The following DPF3 variants were observed in gnomAD, a reference collection of about 807,000 sequenced individuals.
DPF3 encodes zinc finger protein DPF3.
In DPF3, 18 loss-of-function variants were observed where a neutral mutation model predicts 56.8. The observed-to-expected ratio is 0.32, with a 90% CI of 0.22 to 0.47. DPF3 has a LOEUF of 0.47. DPF3 is among the 20% of genes least tolerant of loss of function. The probability of loss-of-function intolerance (pLI) is 1.00; values close to 1 mark genes in which losing one functional copy is unlikely to be tolerated. For synonymous variants in DPF3, 188 were observed against 180.2 expected, an observed-to-expected ratio of 1.04 and a Z score of -0.35; for missense variants, 403 against 488.8, an observed-to-expected ratio of 0.82 and a Z score of 1.65.
rs1289190706 is a variant in DPF3 at position 72,619,987 on chromosome 14, G to A, written c.985-3C>T. 3 of 1,533,334 alleles carry A rather than the reference G, an allele frequency of 2.0e-6. No individual in the cohort carries two copies. The highest frequency in any genetic ancestry group is 2.6e-6 in the Non-Finnish European group (3 of 1,145,404). The allele number at this position is 1,533,334 out of a possible 1,614,324, so 95.0% of individuals were successfully genotyped here. A position where few individuals can be genotyped will look rare whatever the true frequency, so the allele number is the denominator to read the frequency against. Reference sequence around the variant, plus strand: ...TCATCGCAGAAGAGTAGCTGGTCCTGGTGGAACACAGAGTAAGCACAGAGG... The same window carrying A: ...TCATCGCAGAAGAGTAGCTGGTCCTAGTGGAACACAGAGTAAGCACAGAGG... On this transcript the variant is annotated splice_region_variant and splice_polypyrimidine_tract_variant and intron_variant, in intron 9 of 10. Transcript: ENST00000556509.
chr14:72,771,949 AG>A lies in DPF3; in HGVS notation c.33-57del. ...CCAGGGAAGACTGAAACACACCCAG[AG>A]GGAAACACACCCAGAGGGAAACACA... is the stretch of plus-strand genomic sequence containing the variant. On this transcript the variant is annotated intron_variant, in intron 1 of 10. Coordinates refer to ENST00000556509, the MANE Select transcript of DPF3 (RefSeq NM_001280542.3). The A allele has an allele frequency of 3.6e-6, 5 of 1,381,684 alleles. No individual in the cohort carries two copies. In the Admixed American group the frequency reaches 1.4e-4, roughly 39 times the overall value. 85.6% of individuals were successfully genotyped at this position (1,381,684 alleles called of 1,614,324 possible). A position where few individuals can be genotyped will look rare whatever the true frequency, so the allele number is the denominator to read the frequency against.
At chr14:72,744,958 T>C (rs1890266572) in intron 3 of DPF3, among the ~76,000 whole-genome samples, 2 of 151,830 alleles carry the variant, frequency 1.3e-5, no homozygotes, top group South Asian at 4.2e-4. Context: ...CATGTCAGGG[T>C]GTGCTGACGG....
intron 3 of DPF3, among the ~76,000 whole-genome samples, chr14:72,733,769 T>C (rs956452061): frequency 6.6e-6 from 1 of 152,004 alleles, no homozygotes; most frequent in Non-Finnish European, 1.5e-5. Flanking sequence ...CTGTCCTGAC[T>C]CCAACAGAAT....
chr14:72,669,556 A>T (rs1472067431), intron 8 of DPF3, among the ~76,000 whole-genome samples: 1 of 152,022 alleles, frequency 6.6e-6, no homozygotes, highest in Non-Finnish European at 1.5e-5. Context: ...CAACCTCCCT[A>T]TTCCTACCCA....
At chr14:72,799,748 T>C (rs1892788473) in intron 1 of DPF3, among the ~76,000 whole-genome samples, 1 of 152,100 alleles carries the variant, frequency 6.6e-6, no homozygotes, top group Admixed American at 6.6e-5. Context: ...GAGTCAATCC[T>C]GGAACTTCTG....
intron 1 of DPF3, among the ~76,000 whole-genome samples, chr14:72,856,471 C>A (rs993326223): frequency 6.6e-6 from 1 of 152,076 alleles, no homozygotes. Flanking sequence ...GGAAACAAGC[C>A]ATTTCTCAGC....
At chr14:72,793,287 A>C (rs758525822) in intron 1 of DPF3, among the ~76,000 whole-genome samples, 13 of 152,332 alleles carry the variant, frequency 8.5e-5, no homozygotes, top group Non-Finnish European at 1.5e-4. Flanking sequence ...TGGGTGGAGA[A>C]GACCACTCAA....
At chr14:72,654,879 T>C (rs1453570550) in intron 8 of DPF3, among the ~76,000 whole-genome samples, 1 of 152,194 alleles carries the variant, frequency 6.6e-6, no homozygotes, top group Non-Finnish European at 1.5e-5. Flanking sequence ...TTATACAAAG[T>C]AGCAGCATGC....
rs567950750 is a variant in DPF3 at position 72,830,571 on chromosome 14, C to T, written c.33-58678G>A. ...CTCCCCTGCACAGCGAGGACAATACCACCCCATCCCAGTTGTGGGGAGGAT... is the reference window on the plus strand; with the variant it reads ...CTCCCCTGCACAGCGAGGACAATACTACCCCATCCCAGTTGTGGGGAGGAT... On this transcript the variant is annotated intron_variant, in intron 1 of 10. Transcript: ENST00000556509. 2.3e-4 allele frequency among the ~76,000 whole-genome samples: 26 copies of T among 113,226 alleles called. No individual in the cohort carries two copies. The South Asian group carries it at 7.0e-3, about 31-fold the overall frequency. 74.3% of individuals were successfully genotyped at this position (113,226 alleles called of 152,430 possible). A position where few individuals can be genotyped will look rare whatever the true frequency, so the allele number is the denominator to read the frequency against.
At chr14:72,790,429 G>A (rs1206663762) in intron 1 of DPF3, among the ~76,000 whole-genome samples, 1 of 152,072 alleles carries the variant, frequency 6.6e-6, no homozygotes, top group Non-Finnish European at 1.5e-5. Flanking sequence ...TGTCCCCACT[G>A]AGCATTCCAT....
In DPF3 at chr14:72,753,375, T is replaced by C; in HGVS notation, c.194-4A>G. ...TACAGCTGGCCCGGGGCAAGGCCTG[T>C]GGACAGAGACAATATAAAGATTAAA... On this transcript the variant is annotated splice_polypyrimidine_tract_variant and splice_region_variant and intron_variant, in intron 2 of 10. Coordinates refer to ENST00000556509, the MANE Select transcript of DPF3 (RefSeq NM_001280542.3). 1 of 1,607,728 alleles carries C rather than the reference T, an allele frequency of 6.2e-7. No individual in the cohort carries two copies.
At chr14:72,838,922 T>C (rs1439675827) in intron 1 of DPF3, among the ~76,000 whole-genome samples, 1 of 73,148 alleles carries the variant, frequency 1.4e-5, no homozygotes, top group Non-Finnish European at 3.2e-5. Context: ...TTTTTTTTTT[T>C]TTTTTTTTTT....
chr14:72,803,773 C>G (rs1458829484), intron 1 of DPF3, among the ~76,000 whole-genome samples: 1 of 152,188 alleles, frequency 6.6e-6, no homozygotes, highest in Non-Finnish European at 1.5e-5. Context: ...TGAATGAATG[C>G]CTACATTCTC....
chr14:72,773,319 A>G (rs769826858), intron 1 of DPF3, among the ~76,000 whole-genome samples: 14 of 152,020 alleles, frequency 9.2e-5, no homozygotes, highest in Non-Finnish European at 1.8e-4. Context: ...TTTTTAGTAG[A>G]GACAGAGTTT....
At chr14:72,875,809 T>C (rs1388779107) in intron 1 of DPF3, among the ~76,000 whole-genome samples, 1 of 152,084 alleles carries the variant, frequency 6.6e-6, no homozygotes, top group African/African-American at 2.4e-5. Context: ...GCTGCAGCAG[T>C]GGCAGGGGTG....
intron 3 of DPF3, among the ~76,000 whole-genome samples, chr14:72,749,721 C>G (rs1195781029): frequency 6.6e-6 from 1 of 152,110 alleles, no homozygotes; most frequent in Admixed American, 6.5e-5. Flanking sequence ...CTCACAAGAT[C>G]TGATGGTTTT....
At chr14:72,702,212 C>T (rs1443310279) in intron 6 of DPF3, among the ~76,000 whole-genome samples, 1 of 143,450 alleles carries the variant, frequency 7.0e-6, no homozygotes, top group African/African-American at 2.5e-5. Context: ...ACTGGCGTGG[C>T]CTGCTTCACC....
At chr14:72,812,823 T>G (rs952486634) in intron 1 of DPF3, among the ~76,000 whole-genome samples, 14 of 152,000 alleles carry the variant, frequency 9.2e-5, no homozygotes, top group African/African-American at 3.4e-4. Context: ...GGGCCCATGG[T>G]GACCAAACAA....
intron 1 of DPF3, among the ~76,000 whole-genome samples, chr14:72,860,842 A>G (rs1885367223): frequency 6.6e-6 from 1 of 152,198 alleles, no homozygotes; most frequent in South Asian, 2.1e-4. Context: ...CTGGGATTAC[A>G]GGCATGAGCC....
Sources: allele counts gnomAD v4.1 joint callset (sites outside exome capture counted in the v4.1 genomes callset), GRCh38; gene constraint gnomAD v4.1.1; transcripts MANE v1.5; gene names NCBI Gene and HGNC (gene_info 2026-07-23, HGNC 2026-07-21).